The following ADAM22 variants were observed in gnomAD, a reference collection of about 807,000 sequenced individuals.
ADAM22 encodes disintegrin and metalloproteinase domain-containing protein 22.
In ADAM22, 65 loss-of-function variants were observed where a neutral mutation model predicts 144.6. The ratio of observed to expected loss-of-function variants is 0.45; its 90% CI spans 0.37 to 0.55. ADAM22 has a LOEUF of 0.55. ADAM22 is among the 20% of genes least tolerant of loss of function. ADAM22 has a pLI of 0.00. For missense variants in ADAM22, 974 were observed against 1,184.9 expected (o/e 0.82, Z 2.61); for synonymous variants, 391 against 412.6 (o/e 0.95, Z 0.63).
chr7:87,958,673 C>T lies in ADAM22; in HGVS notation c.247-19663C>T, dbSNP rs112868095. The stretch of plus-strand genomic sequence containing the variant: ...TGCTGGGATTACAGGGGTGAACCAC[C>T]GTGCCCGGCCGACTTTAAAGTTTTT... On this transcript the variant is annotated intron_variant, in intron 2 of 31. Transcript: ENST00000413139. Among the ~76,000 whole-genome samples, 832 of 152,166 alleles carry T rather than the reference C, an allele frequency of 5.5e-3. 3 individuals are homozygous for T. The highest frequency in any genetic ancestry group is 0.019 in the African/African-American group (789 of 41,510).
chr7:88,082,558 A>G (rs1563177321), intron 4 of ADAM22, among the ~76,000 whole-genome samples: 1 of 152,144 alleles, frequency 6.6e-6, no homozygotes, highest in Non-Finnish European at 1.5e-5. Flanking sequence ...GCAACCTACA[A>G]AATGGGAGAA....
At chr7:87,938,323 A>T (rs1220638837) in intron 2 of ADAM22, among the ~76,000 whole-genome samples, 1 of 145,454 alleles carries the variant, frequency 6.9e-6, no homozygotes, top group African/African-American at 2.6e-5. Flanking sequence ...GGTTCAAGCG[A>T]TATTCCTGTC....
In ADAM22 at chr7:87,954,641, G is replaced by C. The variant is rs368310191; in HGVS notation, c.246+19455G>C. 4.8e-3 allele frequency among the ~76,000 whole-genome samples: 733 copies of C among 152,190 alleles called. 10 individuals are homozygous for C. The highest frequency in any genetic ancestry group is 0.045 in the East Asian group (232 of 5,180). On this transcript the variant is annotated intron_variant, in intron 2 of 31. Transcript: ENST00000413139. ...GTGTCTTGGAGTTGCTCTTCTCGAG[G>C]AGTATCTTTGTGGCATTCTCTGTAT...
chr7:88,163,209 A>C (rs772628130), intron 23 of ADAM22, 29 bp downstream of exon 23: 1 of 1,534,630 alleles, frequency 6.5e-7, no homozygotes, highest in Non-Finnish European at 8.7e-7. Context: ...GTCAGAATCT[A>C]TTTCTTTTAT....
At chr7:88,101,818 G>T (rs894880783) in intron 4 of ADAM22, among the ~76,000 whole-genome samples, 6 of 152,182 alleles carry the variant, frequency 3.9e-5, no homozygotes, top group Non-Finnish European at 7.3e-5. Flanking sequence ...TAAAGCAGTT[G>T]TTCTCAAACT....
At chr7:88,121,392 A>G (rs983859287) in intron 7 of ADAM22, among the ~76,000 whole-genome samples, 1 of 152,002 alleles carries the variant, frequency 6.6e-6, no homozygotes, top group Admixed American at 6.6e-5. Flanking sequence ...TAGATATTGT[A>G]TTATCTATTG....
At chr7:88,189,266 A>G (rs190717811) in intron 30 of ADAM22, among the ~76,000 whole-genome samples, 6 of 152,298 alleles carry the variant, frequency 3.9e-5, no homozygotes, top group Admixed American at 3.9e-4. Flanking sequence ...CAGTTCTGTT[A>G]TAAGCTCTCA....
At chr7:88,110,291 G>T (rs1052831480) in intron 5 of ADAM22, among the ~76,000 whole-genome samples, 1 of 152,118 alleles carries the variant, frequency 6.6e-6, no homozygotes, top group Non-Finnish European at 1.5e-5. Context: ...AGTACAGTGA[G>T]ACCTGTTCAC....
At chr7:87,995,054 G>A (rs911886876) in intron 3 of ADAM22, among the ~76,000 whole-genome samples, 2 of 152,038 alleles carry the variant, frequency 1.3e-5, no homozygotes, top group African/African-American at 4.8e-5. Flanking sequence ...TCCTGACCTC[G>A]TGATCCACTC....
At chr7:87,969,712 T>C (rs1637498) in intron 2 of ADAM22, among the ~76,000 whole-genome samples, 79,119 of 151,998 alleles carry the variant, frequency 0.52, 20,875 homozygotes, top group Non-Finnish European at 0.53. Flanking sequence ...GTACCTCAGC[T>C]CTTTAAAGTT....
In ADAM22 at chr7:88,113,687, T is replaced by TATAAATAAATAAATAA. The variant is rs1219225144; in HGVS notation, c.474-893_474-878dup. Among the ~76,000 whole-genome samples the TATAAATAAATAAATAA allele has an allele frequency of 4.1e-4, 28 of 69,040 alleles. 1 individual carries two copies. The East Asian group carries it at 0.01, about 26-fold the overall frequency. The allele number at this position is 69,040 out of a possible 152,430, so 45.3% of individuals were successfully genotyped here. On this transcript the variant is annotated intron_variant, in intron 5 of 31. Coordinates refer to ENST00000413139, the MANE Select transcript of ADAM22 (RefSeq NM_001324418.2). ...GTATATATATATATAATATATATAT[T>TATAAATAAATAAATAA]ATAAATAAATAAATAAATATATATA...
intron 26 of ADAM22, among the ~76,000 whole-genome samples, chr7:88,176,319 A>C (rs972695661): frequency 6.6e-6 from 1 of 152,206 alleles, no homozygotes; most frequent in African/African-American, 2.4e-5. Flanking sequence ...TGCATTCCTT[A>C]TGGAATTTTA....
At chr7:87,956,271 C>G (rs551438346) in intron 2 of ADAM22, among the ~76,000 whole-genome samples, 56 of 152,266 alleles carry the variant, frequency 3.7e-4, no homozygotes, top group Middle Eastern at 3.4e-3. Context: ...GCCATCTTGG[C>G]TCCTCCTCTG....
intron 2 of ADAM22, among the ~76,000 whole-genome samples, chr7:87,968,724 A>C (rs1010652575): frequency 5.9e-5 from 9 of 152,144 alleles, no homozygotes; most frequent in African/African-American, 2.2e-4. Context: ...CCTATCTCTA[A>C]GGGGGAAAAA....
chr7:88,043,126 T>C (rs1563089583), intron 3 of ADAM22, among the ~76,000 whole-genome samples: 1 of 151,918 alleles, frequency 6.6e-6, no homozygotes, highest in Non-Finnish European at 1.5e-5. Context: ...CTTTGAAACA[T>C]AGATCTCAGG....
intron 2 of ADAM22, among the ~76,000 whole-genome samples, chr7:87,960,773 A>G (rs1847844984): frequency 6.6e-6 from 1 of 152,118 alleles, no homozygotes; most frequent in Non-Finnish European, 1.5e-5. Flanking sequence ...ATTTCAGGTT[A>G]AGGCTCAGTA....
At chr7:88,131,518 T>TACATA in intron 11 of ADAM22, 83 bp downstream of exon 11, 1 of 1,412,942 alleles carries the variant, frequency 7.1e-7, no homozygotes, top group Non-Finnish European at 9.9e-7. Context: ...TCCTTTCTGC[T>TACATA]ACATAACACA....
At position 88,023,529 on chromosome 7, in the gene ADAM22, C is replaced by T. The variant is rs140039849; in HGVS notation, c.323+45117C>T. 4.9e-3 allele frequency among the ~76,000 whole-genome samples: 752 copies of T among 152,244 alleles called. 10 individuals are homozygous for T. Among genetic ancestry groups the T allele is most frequent in the African/African-American group, 0.017 (708 of 41,542 alleles). ...CCACCTCCCAGGTTCAAGTGATTCT[C>T]CTGCCTCAATCTCCTGAGTAGCTGG... On this transcript the variant is annotated intron_variant, in intron 3 of 31. Transcript: ENST00000413139.
At chr7:88,012,157 C>T (rs1401029706) in intron 3 of ADAM22, among the ~76,000 whole-genome samples, 7 of 151,696 alleles carry the variant, frequency 4.6e-5, no homozygotes, top group South Asian at 2.1e-4. Context: ...AGGCATTCTT[C>T]ATTTCTGTTA....
Sources: gnomAD v4.1 joint callset for allele counts (sites outside exome capture counted in the v4.1 genomes callset) on GRCh38, gnomAD v4.1.1 for gene constraint, MANE v1.5 for transcripts, NCBI Gene and HGNC (gene_info 2026-07-23, HGNC 2026-07-21) for gene names.